The following KLF12 variants were observed in gnomAD, a reference collection of about 807,000 sequenced individuals.
KLF12 encodes the protein Krueppel-like factor 12.
In KLF12, 9 loss-of-function variants were observed where a neutral mutation model predicts 37.8. The observed-to-expected ratio is 0.24, with a 90% CI of 0.14 to 0.42. The LOEUF is 0.42. KLF12 is among the 10% of genes least tolerant of loss of function. The pLI, the probability that KLF12 is intolerant of heterozygous loss-of-function variation, is 1.00. For synonymous variants in KLF12, 208 were observed against 202.1 expected (o/e 1.03, Z -0.25); for missense variants, 411 against 516.0 (o/e 0.80, Z 1.97).
At chr13:73,801,650 C>T (rs1340036547) in intron 5 of KLF12, 4 of 152,034 alleles carry the variant, frequency 2.6e-5, no homozygotes, top group African/African-American at 9.7e-5. Flanking sequence ...AGGAAGATAT[C>T]ACGTGGTGAA....
At chr13:73,847,367 A>G (rs1201554688) in intron 3 of KLF12, among the ~76,000 whole-genome samples, 5 of 152,294 alleles carry the variant, frequency 3.3e-5, no homozygotes, top group Non-Finnish European at 7.4e-5. Context: ...TTTATGGATC[A>G]GAACAATACC....
intron 6 of KLF12, among the ~76,000 whole-genome samples, chr13:73,735,428 G>T (rs937732943): frequency 6.6e-6 from 1 of 152,190 alleles, no homozygotes; most frequent in African/African-American, 2.4e-5. Flanking sequence ...TAATTAGAGG[G>T]ATTTCGAGGA....
chr13:74,116,178 A>C (rs1877293386), intron 1 of KLF12, among the ~76,000 whole-genome samples: 1 of 152,222 alleles, frequency 6.6e-6, no homozygotes, highest in Admixed American at 6.5e-5. Context: ...ACTGAGGCAT[A>C]GCCAGAAAGC....
the KLF12 span, among the ~76,000 whole-genome samples, chr13:74,289,929 T>A: frequency 1.3e-5 from 2 of 152,182 alleles, no homozygotes; most frequent in Non-Finnish European, 2.9e-5. Context: ...AGTTAAAAAC[T>A]TGAGTGGGCT....
intron 1 of KLF12, among the ~76,000 whole-genome samples, chr13:74,107,511 T>A (rs1031235734): frequency 6.6e-6 from 1 of 152,254 alleles, no homozygotes; most frequent in Admixed American, 6.5e-5. Flanking sequence ...TATGTTGGAC[T>A]TACTTAAATG....
At chr13:74,134,594 A>C (rs1223030837), upstream of KLF12, among the ~76,000 whole-genome samples, 1 of 144,796 alleles carries the variant, frequency 6.9e-6, no homozygotes, top group Non-Finnish European at 1.5e-5. Context: ...CTTCCCTTTC[A>C]CCTGCACCAC....
intron 4 of KLF12, among the ~76,000 whole-genome samples, chr13:73,842,867 T>C (rs1313821235): frequency 2.0e-5 from 3 of 152,198 alleles, no homozygotes; most frequent in Non-Finnish European, 2.9e-5. Context: ...GAGGAATTAC[T>C]GAAATGCCCT....
chr13:73,981,486 T>A (rs901803100), intron 2 of KLF12, among the ~76,000 whole-genome samples: 1 of 152,004 alleles, frequency 6.6e-6, no homozygotes, highest in Non-Finnish European at 1.5e-5. Flanking sequence ...AAAACAACAA[T>A]GTCAAGTAAA....
At chr13:73,953,085 C>G (rs894194984) in intron 2 of KLF12, among the ~76,000 whole-genome samples, 1 of 152,042 alleles carries the variant, frequency 6.6e-6, no homozygotes, top group Non-Finnish European at 1.5e-5. Flanking sequence ...AGACAGGAAA[C>G]CAAATAGGAA....
chr13:74,284,221 T>C, the KLF12 span, among the ~76,000 whole-genome samples: 3 of 152,216 alleles, frequency 2.0e-5, no homozygotes, highest in South Asian at 6.2e-4. Context: ...TCTATGATCT[T>C]ATAGTGAGTG....
intron 1 of KLF12, among the ~76,000 whole-genome samples, chr13:74,088,289 G>A (rs1462279937): frequency 2.0e-5 from 3 of 150,934 alleles, no homozygotes; most frequent in African/African-American, 7.3e-5. Flanking sequence ...TTTTGAGACA[G>A]TCTTGCGCTG....
intron 5 of KLF12, among the ~76,000 whole-genome samples, chr13:73,779,445 GTGAATACATCCATGTGC>G (rs1880826716): frequency 6.6e-6 from 1 of 152,174 alleles, no homozygotes; most frequent in Non-Finnish European, 1.5e-5. Context: ...TGTCAGGTTG[GTGAATACATCCATGTGC>G]TGGGAGGATG....
At chr13:73,719,418 G>A (rs1338739426) in intron 6 of KLF12, among the ~76,000 whole-genome samples, 1 of 83,148 alleles carries the variant, frequency 1.2e-5, no homozygotes, top group Non-Finnish European at 2.7e-5. Flanking sequence ...GACATTGTGG[G>A]CATTCAAAAA....
At chr13:74,057,356 A>G (rs1478347320) in intron 1 of KLF12, among the ~76,000 whole-genome samples, 2 of 152,170 alleles carry the variant, frequency 1.3e-5, no homozygotes, top group African/African-American at 4.8e-5. Context: ...CCTCCACCCC[A>G]TCCCCAGGGA....
intron 1 of KLF12, among the ~76,000 whole-genome samples, chr13:74,101,496 A>T (rs1398117790): frequency 6.6e-6 from 1 of 152,126 alleles, no homozygotes; most frequent in Non-Finnish European, 1.5e-5. Context: ...GAGCACTCAG[A>T]AAGCTAAGAT....
intron 1 of KLF12, among the ~76,000 whole-genome samples, chr13:74,087,498 G>A (rs1875385055): frequency 2.0e-5 from 3 of 152,126 alleles, no homozygotes; most frequent in African/African-American, 7.2e-5. Context: ...TATGGAGGAG[G>A]GGCTCAACGT....
chr13:74,267,609 GT>G, the KLF12 span, among the ~76,000 whole-genome samples: 1 of 152,056 alleles, frequency 6.6e-6, no homozygotes, highest in East Asian at 1.9e-4. Context: ...ATGAAGAGAG[GT>G]TGGTTAATGG....
the KLF12 span, among the ~76,000 whole-genome samples, chr13:74,193,852 C>T: frequency 6.6e-6 from 1 of 152,156 alleles, no homozygotes; most frequent in Non-Finnish European, 1.5e-5. Context: ...CTGATGATTG[C>T]TAACGTGTCC....
At chr13:73,847,716 G>A (rs183303059) in intron 3 of KLF12, among the ~76,000 whole-genome samples, 1 of 152,124 alleles carries the variant, frequency 6.6e-6, no homozygotes, top group Non-Finnish European at 1.5e-5. Context: ...CAATTAAAAT[G>A]AGTCATCTAA....
Sources: allele counts gnomAD v4.1 joint callset (sites outside exome capture counted in the v4.1 genomes callset), GRCh38; gene constraint gnomAD v4.1.1; transcripts MANE v1.5; gene names NCBI Gene and HGNC (gene_info 2026-07-23, HGNC 2026-07-21).